The following DNAH14 variants were observed in gnomAD, a reference collection of about 807,000 sequenced individuals.
The protein encoded by DNAH14 is dynein axonemal heavy chain 14.
DNAH14 carries 478 observed loss-of-function variants against 520.9 expected under a neutral mutation model. The ratio of observed to expected loss-of-function variants is 0.92; its 90% confidence interval spans 0.85 to 0.99. The LOEUF (loss-of-function observed/expected upper bound fraction) is 0.99, where lower values mean the gene tolerates loss of function less well. Among genes scored for constraint, DNAH14 ranks in the 50% least tolerant of loss-of-function variants. DNAH14 has a pLI of 0.00. For synonymous variants in DNAH14, 1,581 were observed against 1,757.2 expected (o/e 0.90, Z 2.51); for missense variants, 4,831 against 5,234.5 (o/e 0.92, Z 2.38).
chr1:225,057,777 T>C (rs1238795306), intron 17 of DNAH14, among the ~76,000 whole-genome samples: 1 of 152,204 alleles, frequency 6.6e-6, no homozygotes, highest in East Asian at 1.9e-4. Context: ...TCTACATCTA[T>C]TGAGATAGTC....
chr1:225,389,715 G>A lies in DNAH14; in HGVS notation c.13191-19G>A. 2 of 1,551,718 alleles carry A rather than the reference G, an allele frequency of 1.3e-6. No homozygotes were observed. The highest frequency in any genetic ancestry group is 1.2e-5 in the South Asian group (1 of 83,998). On this transcript the variant is annotated intron_variant, in intron 82 of 85. Transcript: ENST00000682510. ...TTATTATGCCCTTAACCCCCAACCT[G>A]TGGTCTGCCTTCCACTAGGTATATG...
chr1:225,397,703 C>A (rs760996670), intron 84 of DNAH14: 1 of 152,158 alleles, frequency 6.6e-6, no homozygotes, highest in Non-Finnish European at 1.5e-5. Context: ...TTTACTTAAC[C>A]CTTTATCATT....
At chr1:225,344,426 G>A (rs1248825491) in intron 69 of DNAH14, among the ~76,000 whole-genome samples, 3 of 151,914 alleles carry the variant, frequency 2.0e-5, no homozygotes, top group Non-Finnish European at 4.4e-5. Context: ...TCCCCTCTAT[G>A]TGTCCATGTG....
intron 47 of DNAH14, 118 bp downstream of exon 47, chr1:225,264,379 T>C: frequency 1.1e-6 from 1 of 930,870 alleles, no homozygotes; most frequent in Non-Finnish European, 1.6e-6. Flanking sequence ...TAATTTAATA[T>C]AAAAAGTCTC....
chr1:225,043,276 G>GA (rs10671374), intron 13 of DNAH14, among the ~76,000 whole-genome samples, 162 bp downstream of exon 13: 12,972 of 98,088 alleles, frequency 0.13, 1,337 homozygotes, highest in African/African-American at 0.28. Context: ...GTCTCTTGGG[G>GA]AAAAAAAAAA....
intron 37 of DNAH14, among the ~76,000 whole-genome samples, chr1:225,188,543 G>A (rs2085024507): frequency 6.6e-6 from 1 of 151,912 alleles, no homozygotes; most frequent in South Asian, 2.1e-4. Flanking sequence ...TGTGGTTTCA[G>A]GCATCCACTA....
At chr1:225,124,671 C>G (rs1326070220) in intron 27 of DNAH14, among the ~76,000 whole-genome samples, 2 of 152,118 alleles carry the variant, frequency 1.3e-5, no homozygotes, top group Non-Finnish European at 2.9e-5. Context: ...GTCTTGAACC[C>G]CTTAAAGTCG....
chr1:225,040,722 A>C (rs1004664481), intron 12 of DNAH14, among the ~76,000 whole-genome samples: 35 of 152,282 alleles, frequency 2.3e-4, no homozygotes, highest in African/African-American at 7.5e-4. Context: ...CTATTTCTTT[A>C]TTTACTGCTA....
intron 23 of DNAH14, among the ~76,000 whole-genome samples, chr1:225,108,670 C>T (rs2076272651): frequency 6.6e-6 from 1 of 152,000 alleles, no homozygotes; most frequent in Non-Finnish European, 1.5e-5. Flanking sequence ...TGGGTTGTCT[C>T]TTCATTATTT....
chr1:225,276,539 T>C (rs934870856), intron 53 of DNAH14, among the ~76,000 whole-genome samples: 3 of 152,232 alleles, frequency 2.0e-5, no homozygotes, highest in East Asian at 3.9e-4. Flanking sequence ...CCACATACAC[T>C]GTAAACCAAT....
At chr1:225,037,088 C>T (rs1445352328) in intron 11 of DNAH14, among the ~76,000 whole-genome samples, 3 of 151,900 alleles carry the variant, frequency 2.0e-5, no homozygotes, top group African/African-American at 7.3e-5. Flanking sequence ...TTTTTTGTAG[C>T]TTTATTTTCA....
At chr1:225,241,472 T>C (rs941172424) in intron 43 of DNAH14, among the ~76,000 whole-genome samples, 1 of 152,202 alleles carries the variant, frequency 6.6e-6, no homozygotes, top group African/African-American at 2.4e-5. Context: ...ATGTACTTGT[T>C]TGAGGTTACA....
In DNAH14 at chr1:225,021,745, A is replaced by C. The variant is rs144110559; in HGVS notation, c.1108-1870A>C. On this transcript the variant is annotated intron_variant, in intron 10 of 85. Transcript: ENST00000682510. ...TACAGACTTGATGCTATTCCTGTCAAATTACCAACATCATTTTTCACAATT... is the reference window on the plus strand; with the variant it reads ...TACAGACTTGATGCTATTCCTGTCACATTACCAACATCATTTTTCACAATT... Among the ~76,000 whole-genome samples the C allele has an allele frequency of 5.7e-3, 867 of 152,312 alleles. 7 individuals carry two copies. Among genetic ancestry groups the C allele is most frequent in the Non-Finnish European group, 7.7e-3 (524 of 68,022 alleles).
At chr1:224,971,204 A>G (rs2061484066) in intron 7 of DNAH14, among the ~76,000 whole-genome samples, 1 of 152,142 alleles carries the variant, frequency 6.6e-6, no homozygotes, top group African/African-American at 2.4e-5. Context: ...TTGTTCTTTT[A>G]GTGTGTATCT....
chr1:224,950,919 A>G (rs1398584713), intron 1 of DNAH14, among the ~76,000 whole-genome samples: 2 of 152,248 alleles, frequency 1.3e-5, no homozygotes, highest in Non-Finnish European at 2.9e-5. Flanking sequence ...AATTTCATCA[A>G]TAAAACATTT....
At chr1:225,153,050 A>G (rs1377139092) in intron 33 of DNAH14, among the ~76,000 whole-genome samples, 167 bp downstream of exon 33, 2 of 152,186 alleles carry the variant, frequency 1.3e-5, no homozygotes, top group Non-Finnish European at 2.9e-5. Context: ...TATAAAGTCC[A>G]TATGTGAGCT....
chr1:225,124,748 G>T (rs2077562944), intron 27 of DNAH14, among the ~76,000 whole-genome samples: 1 of 151,798 alleles, frequency 6.6e-6, no homozygotes, highest in Non-Finnish European at 1.5e-5. Context: ...CTTCTTCCAT[G>T]AATATGAATA....
At chr1:225,170,527 A>G (rs2082514343) in intron 36 of DNAH14, among the ~76,000 whole-genome samples, 2 of 152,240 alleles carry the variant, frequency 1.3e-5, no homozygotes, top group African/African-American at 4.8e-5. Flanking sequence ...AAAGAAGGCC[A>G]TTACATAATG....
chr1:225,121,580 T>TA (rs2077288603), intron 26 of DNAH14, among the ~76,000 whole-genome samples: 2 of 152,138 alleles, frequency 1.3e-5, no homozygotes, highest in Admixed American at 1.3e-4. Context: ...TCATAAGTGA[T>TA]AGAATTTACC....
Sources: gnomAD v4.1 joint callset for allele counts (sites outside exome capture counted in the v4.1 genomes callset) on GRCh38, gnomAD v4.1.1 for gene constraint, MANE v1.5 for transcripts, NCBI Gene and HGNC (gene_info 2026-07-23, HGNC 2026-07-21) for gene names.